FNDC1: variants seen among roughly 807,000 people sequenced by gnomAD.
FNDC1 encodes fibronectin type III domain containing 1.
FNDC1 carries 96 observed loss-of-function variants against 168.0 expected under a neutral mutation model. That is an observed-to-expected ratio of 0.57 (90% CI 0.48 to 0.68). The LOEUF (loss-of-function observed/expected upper bound fraction) is 0.68. FNDC1 is among the 30% of genes least tolerant of loss of function. The probability of loss-of-function intolerance (pLI) is 0.00; values close to 1 mark genes in which losing one functional copy is unlikely to be tolerated. For synonymous variants in FNDC1, 1,099 were observed against 1,025.9 expected (o/e 1.07, Z -1.36); for missense variants, 2,587 against 2,482.1 (o/e 1.04, Z -0.90).
At position 159,169,780 on chromosome 6, in the gene FNDC1, G is replaced by T. The variant is rs1437382720; in HGVS notation, c.109+75G>T. ...TCCTGCGCTCGGGCCCCGTCGTCCC[G>T]CTCAGTGCTGGCTACGGGTCGTGTC... On this transcript the variant is annotated intron_variant, in intron 1 of 22. Transcript: ENST00000297267. This position sits in a 1 kb window ranked among gnomAD's most constrained non-coding sequence, Gnocchi z 6.8. 2.5e-5 allele frequency: 13 copies of T among 514,032 alleles called. No homozygotes were observed. In the East Asian group the frequency reaches 6.9e-4, roughly 27 times the overall value. 31.8% of individuals were successfully genotyped at this position (514,032 alleles called of 1,614,324 possible).
chr6:159,261,104 C>T lies in FNDC1; in HGVS notation c.5175-86C>T. 3.1e-6 allele frequency: 3 copies of T among 956,902 alleles called. No homozygotes were observed. In the South Asian group the frequency reaches 4.2e-5, roughly 13 times the overall value. 59.3% of individuals were successfully genotyped at this position (956,902 alleles called of 1,614,324 possible). On this transcript the variant is annotated intron_variant, in intron 18 of 22. Transcript: ENST00000297267. ...GTAGAACTCAAAGCCTGTCACGGTT[C>T]AGGTGTTCAGTAGTTTGGGAGTCTG...
At chr6:159,251,658 T>G (rs1331445140) in intron 17 of FNDC1, 126 bp downstream of exon 17, 1 of 760,890 alleles carries the variant, frequency 1.3e-6, no homozygotes, top group African/African-American at 1.7e-5. Context: ...GATGGATGAA[T>G]GGGATGATGG....
intron 11 of FNDC1, among the ~76,000 whole-genome samples, chr6:159,235,557 G>A (rs1217961588): frequency 6.6e-6 from 1 of 152,202 alleles, no homozygotes; most frequent in African/African-American, 2.4e-5. Context: ...GTAGCGGTCA[G>A]AAAGCCCAAG....
intron 19 of FNDC1, among the ~76,000 whole-genome samples, chr6:159,263,285 C>T (rs957098877): frequency 6.6e-6 from 1 of 152,076 alleles, no homozygotes; most frequent in Non-Finnish European, 1.5e-5. Context: ...CAAAGCACAG[C>T]CTAGGGAGAT....
intron 18 of FNDC1, among the ~76,000 whole-genome samples, chr6:159,260,863 A>C (rs1176250735): frequency 5.9e-5 from 9 of 152,230 alleles, no homozygotes; most frequent in African/African-American, 2.2e-4. Flanking sequence ...ACGTCTCACC[A>C]GGGATGAGCT....
At chr6:159,176,092 G>C (rs1010883441) in intron 1 of FNDC1, among the ~76,000 whole-genome samples, 1 of 152,120 alleles carries the variant, frequency 6.6e-6, no homozygotes. Context: ...ATGGTGTCAC[G>C]TCCCTTCATC....
At chr6:159,198,700 T>C (rs1782305930) in intron 2 of FNDC1, among the ~76,000 whole-genome samples, 1 of 152,246 alleles carries the variant, frequency 6.6e-6, no homozygotes, top group South Asian at 2.1e-4. Context: ...AAGAGAGTCG[T>C]AGAGCTCACT....
chr6:159,253,454 TG>T (rs1489954028), intron 17 of FNDC1, among the ~76,000 whole-genome samples: 1 of 152,222 alleles, frequency 6.6e-6, no homozygotes, highest in Non-Finnish European at 1.5e-5. Context: ...TGAATCCTGC[TG>T]GCTACATGGA....
chr6:159,172,369 CA>C (rs1376183559), intron 1 of FNDC1, among the ~76,000 whole-genome samples: 1 of 152,188 alleles, frequency 6.6e-6, no homozygotes, highest in Non-Finnish European at 1.5e-5. Context: ...CAAAAATGAA[CA>C]AAGGGAACTT....
chr6:159,199,554 T>C (rs754776879), intron 2 of FNDC1, among the ~76,000 whole-genome samples: 1 of 152,246 alleles, frequency 6.6e-6, no homozygotes, highest in Non-Finnish European at 1.5e-5. Flanking sequence ...ATGGGTTACA[T>C]TGACATTTCT....
At chr6:159,227,183 A>G (rs1364673614) in intron 9 of FNDC1, among the ~76,000 whole-genome samples, 1 of 152,246 alleles carries the variant, frequency 6.6e-6, no homozygotes, top group Non-Finnish European at 1.5e-5. Context: ...AATACTAAAT[A>G]AACATGAAAA....
At chr6:159,255,455 T>G (rs1777353887) in intron 17 of FNDC1, among the ~76,000 whole-genome samples, 1 of 152,236 alleles carries the variant, frequency 6.6e-6, no homozygotes, top group South Asian at 2.1e-4. Context: ...CATCGTGGAC[T>G]GGTCCTGCAG....
At position 159,215,026 on chromosome 6, in the gene FNDC1, G is replaced by T. The variant is rs769525298; in HGVS notation, c.542G>T (p.Arg181Leu). ...CTGTCCGTTGCGTGGAAGGCACCAC[G>T]CCTGTCTGGAGCCAAGAGTCCACGC... is the stretch of plus-strand genomic sequence containing the variant. The part of the protein sequence containing the change: ...DRLSVAWKAP[R>L]LSGAKSPRRS... Residue 181 changes from arginine (R) to leucine (L), a missense_variant, in exon 5 of 23, where the codon CGC (arginine) becomes CTC (leucine). Arg to Leu is a moderately radical substitution (Grantham distance 102). Coordinates refer to ENST00000297267, the MANE Select transcript of FNDC1 (RefSeq NM_032532.3). The T allele has an allele frequency of 6.2e-7, 1 of 1,614,024 alleles. No homozygotes were observed. The highest frequency in any genetic ancestry group is 8.5e-7 in the Non-Finnish European group (1 of 1,179,880).
At chr6:159,184,337 C>T (rs1781947609) in intron 1 of FNDC1, among the ~76,000 whole-genome samples, 1 of 152,124 alleles carries the variant, frequency 6.6e-6, no homozygotes, top group Non-Finnish European at 1.5e-5. Context: ...TTCTTTTTTA[C>T]TTCCTTAAAT....
At chr6:159,237,786 GC>G (rs1362115010) in intron 12 of FNDC1, among the ~76,000 whole-genome samples, 2 of 152,124 alleles carry the variant, frequency 1.3e-5, no homozygotes, top group African/African-American at 4.8e-5. Context: ...TTTTTTCTCT[GC>G]AGTTTTAAGC....
At chr6:159,198,452 G>C (rs559751136) in intron 2 of FNDC1, among the ~76,000 whole-genome samples, 3 of 151,994 alleles carry the variant, frequency 2.0e-5, no homozygotes, top group Non-Finnish European at 2.9e-5. Context: ...TTGACATCAC[G>C]CTTCCTGGGT....
intron 1 of FNDC1, among the ~76,000 whole-genome samples, chr6:159,183,155 G>A (rs184924784): frequency 6.6e-6 from 1 of 152,286 alleles, no homozygotes; most frequent in East Asian, 1.9e-4. Flanking sequence ...CTATGAGGTA[G>A]GTAGGATTAG....
At position 159,229,958 on chromosome 6, in the gene FNDC1, G is replaced by A. The variant is rs373972215; in HGVS notation, c.1324G>A (p.Gly442Ser). ...LFKIRATNRRGLGPHSKAFIV... is the reference protein window; with the variant it reads ...LFKIRATNRRSLGPHSKAFIV... ...CAAAATCCGGGCCACAAACAGGAGA[G>A]GCCTGGGACCTCACTCCAAAGCCTT... Residue 442 changes from glycine to serine, a missense_variant, in exon 10 of 23, where the codon GGC becomes AGC. Gly to Ser is a moderately conservative substitution (Grantham distance 56, BLOSUM62 0). Coordinates refer to ENST00000297267, the MANE Select transcript of FNDC1 (RefSeq NM_032532.3). The A allele has an allele frequency of 6.2e-7, 1 of 1,613,942 alleles. No individual in the cohort carries two copies. Among genetic ancestry groups the A allele is most frequent in the South Asian group, 1.1e-5 (1 of 91,076 alleles).
chr6:159,192,036 A>AT (rs975221417), intron 1 of FNDC1, among the ~76,000 whole-genome samples: 4 of 152,124 alleles, frequency 2.6e-5, no homozygotes, highest in East Asian at 1.9e-4. Flanking sequence ...TGTCTAGCTA[A>AT]TTTTTTTGTA....
Sources: gnomAD v4.1 joint callset for allele counts (sites outside exome capture counted in the v4.1 genomes callset) on GRCh38, gnomAD v4.1.1 for gene constraint, Gnocchi (gnomAD v3.1) non-coding constraint, MANE v1.5 for transcripts, NCBI Gene and HGNC (gene_info 2026-07-23, HGNC 2026-07-21) for gene names.